ZNF92: variants seen among roughly 807,000 people sequenced by gnomAD.
ZNF92 encodes the protein zinc finger protein 92.
A neutral mutation model predicts 12.4 loss-of-function variants in ZNF92; 11 were observed. The ratio of observed to expected loss-of-function variants is 0.89; its 90% CI spans 0.56 to 1.47. The LOEUF (loss-of-function observed/expected upper bound fraction) is 1.47. Ranked by LOEUF, ZNF92 falls within the 40% of genes most tolerant of loss-of-function variation. The pLI, the probability that ZNF92 is intolerant of heterozygous loss-of-function variation, is 0.00. For synonymous variants in ZNF92, 206 were observed against 228.6 expected (o/e 0.90, Z 0.89); for missense variants, 622 against 681.0 (o/e 0.91, Z 0.96).
intron 1 of ZNF92, among the ~76,000 whole-genome samples, chr7:65,376,132 C>T (rs1313644461): frequency 1.3e-5 from 2 of 151,848 alleles, no homozygotes; most frequent in African/African-American, 2.4e-5. Flanking sequence ...AGGCTGGTCT[C>T]AAACTCCTGA....
At chr7:65,393,342 T>A (rs1793768569) in intron 3 of ZNF92, among the ~76,000 whole-genome samples, 1 of 148,502 alleles carries the variant, frequency 6.7e-6, no homozygotes, top group Non-Finnish European at 1.5e-5. Context: ...GACAATTTTC[T>A]TTTTTAAGGC....
chr7:65,388,715 A>T, intron 2 of ZNF92, 91 bp from the exon 3 acceptor site: 1 of 1,001,208 alleles, frequency 1.0e-6, no homozygotes, highest in Non-Finnish European at 1.4e-6. Context: ...TTACTAGATT[A>T]ATCTATTGCA....
chr7:65,397,967 T>C (rs1187575698), intron 3 of ZNF92, among the ~76,000 whole-genome samples: 1 of 152,134 alleles, frequency 6.6e-6, no homozygotes, highest in Non-Finnish European at 1.5e-5. Context: ...TAAAGATGTA[T>C]GTGCCAGTAT....
chr7:65,375,667 G>A (rs1327354725), intron 1 of ZNF92, among the ~76,000 whole-genome samples: 1 of 151,530 alleles, frequency 6.6e-6, no homozygotes, highest in African/African-American at 2.4e-5. Flanking sequence ...GGCCAATATG[G>A]TGAAAGCCGG....
intron 3 of ZNF92, among the ~76,000 whole-genome samples, chr7:65,397,642 G>A (rs954569205): frequency 6.6e-6 from 1 of 151,914 alleles, no homozygotes; most frequent in Non-Finnish European, 1.5e-5. Flanking sequence ...GCCTTGTCCT[G>A]GCATAGTCTT....
At position 65,396,351 on chromosome 7, in the gene ZNF92, ATTTT is replaced by A. The variant is rs535245106; in HGVS notation, c.227-1987_227-1984del. Among the ~76,000 whole-genome samples the A allele has an allele frequency of 3.2e-4, 48 of 151,776 alleles. No individual in the cohort carries two copies. The South Asian group carries it at 4.4e-3, about 14-fold the overall frequency. On this transcript the variant is annotated intron_variant, in intron 3 of 3. Coordinates refer to ENST00000328747, the MANE Select transcript of ZNF92 (RefSeq NM_152626.4). ...GTTTAATCTCATAGTGACCTGCTTT[ATTTT>A]TTGTTTTGCATAGTTTCTATAAATA...
chr7:65,375,675 C>G (rs192856434), intron 1 of ZNF92, among the ~76,000 whole-genome samples: 1 of 151,622 alleles, frequency 6.6e-6, no homozygotes, highest in Admixed American at 6.6e-5. Context: ...TGGTGAAAGC[C>G]GGTTTCTACT....
At chr7:65,375,668 T>A (rs1584271191) in intron 1 of ZNF92, among the ~76,000 whole-genome samples, 2 of 150,820 alleles carry the variant, frequency 1.3e-5, no homozygotes, top group South Asian at 4.2e-4. Flanking sequence ...GCCAATATGG[T>A]GAAAGCCGGT....
intron 3 of ZNF92, among the ~76,000 whole-genome samples, chr7:65,391,512 C>T (rs531104157): frequency 9.9e-5 from 15 of 151,976 alleles, no homozygotes; most frequent in African/African-American, 2.9e-4. Flanking sequence ...TTTAAGTTTG[C>T]GGCAGGCAAA....
At chr7:65,388,355 T>C (rs1200372679) in intron 2 of ZNF92, 2 of 190,690 alleles carry the variant, frequency 1.0e-5, no homozygotes, top group East Asian at 1.9e-4. Flanking sequence ...TCTACAAATG[T>C]AGGCTGGGCG....
chr7:65,396,723 C>G (rs1310839578), intron 3 of ZNF92, among the ~76,000 whole-genome samples: 1 of 152,062 alleles, frequency 6.6e-6, no homozygotes, highest in Non-Finnish European at 1.5e-5. Flanking sequence ...CTATGTTGCT[C>G]AGGCTGATCT....
chr7:65,376,626 T>G (rs1246677325), intron 1 of ZNF92, among the ~76,000 whole-genome samples: 4 of 152,106 alleles, frequency 2.6e-5, no homozygotes, highest in African/African-American at 7.2e-5. Context: ...TTTGTATTTT[T>G]GGTAGAGACA....
chr7:65,394,134 T>G (rs2116393666), intron 3 of ZNF92, among the ~76,000 whole-genome samples: 1 of 152,196 alleles, frequency 6.6e-6, no homozygotes, highest in East Asian at 1.9e-4. Context: ...ATTAATATCA[T>G]AAGTGGTGCC....
At position 65,400,013 on chromosome 7, in the gene ZNF92, A is replaced by C. The variant is rs1460271427; in HGVS notation, c.*138A>C. 1 of 765,290 alleles carries C rather than the reference A, an allele frequency of 1.3e-6. No individual in the cohort carries two copies. Among genetic ancestry groups the C allele is most frequent in the African/African-American group, 1.8e-5 (1 of 56,936 alleles). 47.4% of individuals were successfully genotyped at this position (765,290 alleles called of 1,614,324 possible). A position where few individuals can be genotyped will look rare whatever the true frequency, so the allele number is the denominator to read the frequency against. ...TTGTAGGTAAGATAATTTATATTGG[A>C]GAAAAATCCTCCAAGTATGAAGAAT... On this transcript the variant is annotated 3_prime_UTR_variant, in exon 4 of 4. Transcript: ENST00000328747.
chr7:65,384,890 A>G (rs755650073), intron 1 of ZNF92, among the ~76,000 whole-genome samples: 18 of 152,180 alleles, frequency 1.2e-4, no homozygotes, highest in Non-Finnish European at 2.4e-4. Flanking sequence ...AGGACATAGT[A>G]CCTGTTTAAT....
chr7:65,390,775 C>A (rs530941102), intron 3 of ZNF92, among the ~76,000 whole-genome samples: 2 of 152,092 alleles, frequency 1.3e-5, no homozygotes, highest in East Asian at 1.9e-4. Flanking sequence ...TAAACTGTGG[C>A]TCAGAGAGTT....
At chr7:65,396,815 C>G (rs1182728390) in intron 3 of ZNF92, among the ~76,000 whole-genome samples, 2 of 152,068 alleles carry the variant, frequency 1.3e-5, no homozygotes, top group Admixed American at 1.3e-4. Context: ...TGCCTGCTCA[C>G]CATGTAGCAT....
intron 1 of ZNF92, among the ~76,000 whole-genome samples, chr7:65,386,256 G>C (rs964399021): frequency 5.3e-5 from 8 of 151,990 alleles, no homozygotes; most frequent in African/African-American, 1.7e-4. Flanking sequence ...CTGACCTTGT[G>C]ATCTGCCTGT....
intron 1 of ZNF92, among the ~76,000 whole-genome samples, chr7:65,377,062 A>G (rs1012205572): frequency 2.0e-5 from 3 of 152,144 alleles, no homozygotes; most frequent in Non-Finnish European, 4.4e-5. Context: ...TGGAAATAAT[A>G]AAATAATAAA....
Sources: gnomAD v4.1 joint callset for allele counts (sites outside exome capture counted in the v4.1 genomes callset) on GRCh38, gnomAD v4.1.1 for gene constraint, MANE v1.5 for transcripts, NCBI Gene and HGNC (gene_info 2026-07-23, HGNC 2026-07-21) for gene names.